Variants in HAO1 observed in about 807,000 individuals in gnomAD.
HAO1 encodes hydroxyacid oxidase 1.
HAO1 carries 34 observed loss-of-function variants against 39.7 expected under a neutral mutation model. The ratio of observed to expected loss-of-function variants is 0.86; its 90% CI spans 0.65 to 1.14. HAO1 has a LOEUF of 1.14. Ranked by LOEUF, HAO1 falls within the 50% of genes most tolerant of loss-of-function variation. The pLI is 0.00. For missense variants in HAO1, 479 were observed against 464.5 expected (o/e 1.03, Z -0.29); for synonymous variants, 172 against 173.2 (o/e 0.99, Z 0.05).
chr20:7,896,023 G>C (rs1000804601), intron 4 of HAO1, among the ~76,000 whole-genome samples: 2 of 151,854 alleles, frequency 1.3e-5, no homozygotes, highest in African/African-American at 4.8e-5. Flanking sequence ...AGTGAGCCAA[G>C]ATTGCACCAC....
At chr20:7,921,136 G>A (rs113893973) in intron 2 of HAO1, among the ~76,000 whole-genome samples, 3,253 of 150,768 alleles carry the variant, frequency 0.022, 104 homozygotes, top group African/African-American at 0.071. Context: ...GCAAAGGACA[G>A]CAAGAGAAAC....
intron 3 of HAO1, 26 bp from the exon 4 acceptor site, chr20:7,906,355 G>A: frequency 7.4e-7 from 1 of 1,352,450 alleles, no homozygotes; most frequent in Non-Finnish European, 1.1e-6. Context: ...CATAAAATGA[G>A]AAATTTGCCA....
Position 7,883,485 on chromosome 20 carries a change from G to T in HAO1, c.*108C>A. On this transcript the variant is annotated 3_prime_UTR_variant, in exon 8 of 8. Transcript: ENST00000378789. ...TTGTTGGAAAAGAACGACACCCTTT[G>T]TATTGAAGTGGGGAATTACAGACTG... 6.1e-6 allele frequency: 5 copies of T among 821,316 alleles called. No individual in the cohort carries two copies. Among genetic ancestry groups the T allele is most frequent in the Admixed American group, 1.8e-5 (1 of 56,498 alleles). 50.9% of individuals were successfully genotyped at this position (821,316 alleles called of 1,614,324 possible). A position where few individuals can be genotyped will look rare whatever the true frequency, so the allele number is the denominator to read the frequency against.
At position 7,900,239 on chromosome 20, in the gene HAO1, A is replaced by G. The variant is rs143777471; in HGVS notation, c.722-5015T>C. Among the ~76,000 whole-genome samples, 1,362 of 152,282 alleles carry G rather than the reference A, an allele frequency of 8.9e-3. 7 individuals are homozygous for G. Among genetic ancestry groups the G allele is most frequent in the Middle Eastern group, 0.017 (5 of 294 alleles). Reference sequence around the variant, plus strand: ...TTTGCAGCTACTGAGTTTTTTAGAAATTGGAAATCACCACCTTGATCTGTT... The same window carrying G: ...TTTGCAGCTACTGAGTTTTTTAGAAGTTGGAAATCACCACCTTGATCTGTT... On this transcript the variant is annotated intron_variant, in intron 4 of 7. Transcript: ENST00000378789.
chr20:7,921,261 A>T (rs185609358), intron 2 of HAO1, among the ~76,000 whole-genome samples: 2 of 152,184 alleles, frequency 1.3e-5, no homozygotes, highest in Admixed American at 1.3e-4. Flanking sequence ...TCAACATGAC[A>T]AAACAGATAA....
rs548426952 is a variant in HAO1, at chr20:7,899,981, GA to G, written c.722-4758del. Among the ~76,000 whole-genome samples, 1,399 of 152,172 alleles carry G rather than the reference GA, an allele frequency of 9.2e-3. 15 individuals carry two copies. The highest frequency in any genetic ancestry group is 0.048 in the Middle Eastern group (14 of 294). ...TTAATTTAAAACAAGGTATAAAAGT[GA>G]AAAATAAGTACTCAAGTACTCAAAA... On this transcript the variant is annotated intron_variant, in intron 4 of 7. Coordinates refer to ENST00000378789, the MANE Select transcript of HAO1 (RefSeq NM_017545.3).
rs959914181 is a variant in HAO1, at chr20:7,903,539, G to A, written c.721+2615C>T. ...TGGTGATACTGGTGGTGGTGGTGGA[G>A]GTGGTGGTGGTTGTCTTGGTAATGG... On this transcript the variant is annotated intron_variant, in intron 4 of 7. Coordinates refer to ENST00000378789, the MANE Select transcript of HAO1 (RefSeq NM_017545.3). Among the ~76,000 whole-genome samples, 14 of 151,340 alleles carry A rather than the reference G, an allele frequency of 9.3e-5. No homozygotes were observed. The East Asian group carries it at 2.4e-3, about 26-fold the overall frequency.
intron 2 of HAO1, among the ~76,000 whole-genome samples, chr20:7,930,812 C>A (rs2050382271): frequency 6.6e-6 from 1 of 152,164 alleles, no homozygotes; most frequent in African/African-American, 2.4e-5. Context: ...TCCATGGGCT[C>A]ATGTTGCAAC....
intron 4 of HAO1, among the ~76,000 whole-genome samples, chr20:7,900,297 C>T (rs2050215879): frequency 1.3e-5 from 2 of 152,140 alleles, no homozygotes; most frequent in African/African-American, 4.8e-5. Flanking sequence ...AGACCCTCCA[C>T]CAGCAAGAAG....
chr20:7,913,918 T>G (rs886422365), intron 3 of HAO1, among the ~76,000 whole-genome samples: 2 of 152,226 alleles, frequency 1.3e-5, no homozygotes, highest in Non-Finnish European at 2.9e-5. Flanking sequence ...TCCATCTGTA[T>G]AGCAATTCAT....
chr20:7,926,347 G>A (rs80010026), intron 2 of HAO1, among the ~76,000 whole-genome samples: 1,989 of 152,236 alleles, frequency 0.013, 39 homozygotes, highest in African/African-American at 0.043. Flanking sequence ...ACTTCAGAAA[G>A]AGTAAAAATG....
intron 4 of HAO1, among the ~76,000 whole-genome samples, chr20:7,900,723 C>G (rs1009653623): frequency 2.0e-5 from 3 of 152,100 alleles, no homozygotes; most frequent in African/African-American, 7.2e-5. Context: ...ATCAGACCAA[C>G]TAATAACTCT....
intron 2 of HAO1, among the ~76,000 whole-genome samples, chr20:7,930,333 T>C (rs941378830): frequency 1.3e-5 from 2 of 152,242 alleles, no homozygotes; most frequent in African/African-American, 4.8e-5. Flanking sequence ...ATATTCTTTC[T>C]GGGAATGATG....
At chr20:7,928,199 A>T (rs111343808) in intron 2 of HAO1, among the ~76,000 whole-genome samples, 1,990 of 152,344 alleles carry the variant, frequency 0.013, 39 homozygotes, top group African/African-American at 0.043. Context: ...GGAAATTAAA[A>T]GCATTCAAAT....
chr20:7,903,653 AGTG>A (rs1344153516), intron 4 of HAO1, among the ~76,000 whole-genome samples: 1 of 148,204 alleles, frequency 6.7e-6, no homozygotes, highest in Admixed American at 6.7e-5. Flanking sequence ...TGATGATAGC[AGTG>A]GTGGTGGTGG....
chr20:7,914,131 G>A lies in HAO1; in HGVS notation c.545+33C>T, dbSNP rs117644263. ...AACATTCCCAGTCAAGATCCCTTTC[G>A]CCTCAGCTCGGGGCCCACATGATCA... On this transcript the variant is annotated intron_variant, in intron 3 of 7. Transcript: ENST00000378789. 11,588 of 1,609,302 alleles carry A rather than the reference G, an allele frequency of 7.2e-3. 55 individuals carry two copies. The highest frequency in any genetic ancestry group is 9.0e-3 in the Non-Finnish European group (10,558 of 1,175,966).
chr20:7,885,137 G>T (rs564630319), intron 7 of HAO1, among the ~76,000 whole-genome samples: 37 of 152,296 alleles, frequency 2.4e-4, no homozygotes, highest in South Asian at 6.2e-4. Flanking sequence ...GGTGGAGCAG[G>T]TTTAACGTGG....
chr20:7,912,057 C>T (rs1259765766), intron 3 of HAO1, among the ~76,000 whole-genome samples: 5 of 152,126 alleles, frequency 3.3e-5, no homozygotes, highest in South Asian at 4.1e-4. Context: ...CACCCAGCTG[C>T]GGGGTGTTTC....
chr20:7,893,240 G>A lies in HAO1; in HGVS notation c.813+1893C>T, dbSNP rs144371981. Among the ~76,000 whole-genome samples the A allele has an allele frequency of 2.8e-3, 429 of 152,236 alleles. 2 individuals carry two copies. Among genetic ancestry groups the A allele is most frequent in the Non-Finnish European group, 3.9e-3 (264 of 68,022 alleles). On this transcript the variant is annotated intron_variant, in intron 5 of 7. Coordinates refer to ENST00000378789, the MANE Select transcript of HAO1 (RefSeq NM_017545.3). ...AAAATATGTCAGTGAAAGAGATCTC[G>A]CCTAACTGACTCCATCTTGATTCTA...
Sources: gnomAD v4.1 joint callset for allele counts (sites outside exome capture counted in the v4.1 genomes callset) on GRCh38, gnomAD v4.1.1 for gene constraint, MANE v1.5 for transcripts, NCBI Gene and HGNC (gene_info 2026-07-23, HGNC 2026-07-21) for gene names.